Variants in GLRA2 observed in about 807,000 individuals in gnomAD.
GLRA2 encodes glycine receptor subunit alpha-2.
GLRA2 carries 11 observed loss-of-function variants against 31.6 expected under a neutral mutation model. The ratio of observed to expected loss-of-function variants is 0.35; its 90% CI spans 0.22 to 0.58. The LOEUF is 0.58. GLRA2 is among the 20% of genes least tolerant of loss of function. The probability of loss-of-function intolerance (pLI) is 0.84; values close to 1 mark genes in which losing one functional copy is unlikely to be tolerated. For synonymous variants in GLRA2, 132 were observed against 134.0 expected (o/e 0.99, Z 0.10); for missense variants, 212 against 351.8 (o/e 0.60, Z 3.18).
intron 7 of GLRA2, among the ~76,000 whole-genome samples, chrX:14,644,488 T>C (rs1161354591): frequency 1.8e-5 from 2 of 111,865 alleles, no homozygotes; most frequent in Non-Finnish European, 3.8e-5. Flanking sequence ...ATATATTCTT[T>C]ACAGAAAAAA....
chrX:14,489,489 G>A, the GLRA2 span, among the ~76,000 whole-genome samples: 1 of 112,162 alleles, frequency 8.9e-6, no homozygotes, highest in Non-Finnish European at 1.9e-5. Context: ...GAAGAAAAGG[G>A]GAAACAGACT....
chrX:14,506,944 T>C, the GLRA2 span, among the ~76,000 whole-genome samples: 2 of 111,895 alleles, frequency 1.8e-5, no homozygotes, highest in Non-Finnish European at 3.8e-5. Flanking sequence ...GTGACAGCTA[T>C]TAATAAGAAT....
chrX:14,596,326 C>A (rs1011726685), intron 4 of GLRA2, among the ~76,000 whole-genome samples: 1 of 111,228 alleles, frequency 9.0e-6, no homozygotes. Context: ...TAGAAACTGT[C>A]CTCCTAACCC....
chrX:14,547,320 T>A (rs2089495303), intron 2 of GLRA2, among the ~76,000 whole-genome samples: 1 of 110,986 alleles, frequency 9.0e-6, no homozygotes, highest in Non-Finnish European at 1.9e-5. Context: ...CTCAAAATAC[T>A]AGTATCCTTG....
chrX:14,514,699 G>A, the GLRA2 span, among the ~76,000 whole-genome samples: 4 of 111,103 alleles, frequency 3.6e-5, no homozygotes, highest in East Asian at 1.1e-3. Context: ...TGTTAATTCT[G>A]GTCAACAATT....
At chrX:14,654,577 G>A (rs931608314) in intron 7 of GLRA2, among the ~76,000 whole-genome samples, 2 of 111,595 alleles carry the variant, frequency 1.8e-5, no homozygotes, top group African/African-American at 3.3e-5. Context: ...TAGCATGTGG[G>A]CATGTTTTCT....
intron 7 of GLRA2, among the ~76,000 whole-genome samples, chrX:14,634,837 C>T (rs1034584530): frequency 1.8e-5 from 2 of 111,876 alleles, no homozygotes; most frequent in East Asian, 2.8e-4. Flanking sequence ...ACTTTATGTG[C>T]GTTAATTCCC....
At chrX:14,606,446 A>G (rs747297482) in intron 5 of GLRA2, among the ~76,000 whole-genome samples, 2 of 111,870 alleles carry the variant, frequency 1.8e-5, no homozygotes, top group African/African-American at 6.5e-5. Context: ...ATCTTTCATA[A>G]TAGGTAATCT....
chrX:14,681,935 A>ATATATATATATATATATATATG (rs2091215436), intron 7 of GLRA2, among the ~76,000 whole-genome samples: 1 of 77,428 alleles, frequency 1.3e-5, no homozygotes, highest in Non-Finnish European at 2.6e-5. Context: ...ATATATGTAT[A>ATATATATATATATATATATATG]TATATGTGTG....
At chrX:14,474,491 C>A in the GLRA2 span, among the ~76,000 whole-genome samples, 1 of 111,531 alleles carries the variant, frequency 9.0e-6, no homozygotes, top group Non-Finnish European at 1.9e-5. Flanking sequence ...CAAGAAATGA[C>A]CATTGCTTTT....
At chrX:14,682,161 G>A (rs1454202793) in intron 7 of GLRA2, among the ~76,000 whole-genome samples, 2 of 107,807 alleles carry the variant, frequency 1.9e-5, no homozygotes, top group Admixed American at 2.0e-4. Context: ...AGAGAAAGGG[G>A]AAAGGTCGGG....
intron 3 of GLRA2, chrX:14,574,655 A>G (rs1172199196): frequency 9.6e-6 from 6 of 627,179 alleles, no homozygotes; most frequent in Non-Finnish European, 1.6e-5. Context: ...ACTGAGTGCC[A>G]ATTTCCAACT....
At chrX:14,645,373 C>T (rs762602312) in intron 7 of GLRA2, among the ~76,000 whole-genome samples, 2 of 111,741 alleles carry the variant, frequency 1.8e-5, no homozygotes, top group South Asian at 7.6e-4. Context: ...CTCCATTCCT[C>T]ATGGCTGCAC....
chrX:14,503,099 CTT>C, the GLRA2 span, among the ~76,000 whole-genome samples: 74 of 111,162 alleles, frequency 6.7e-4, no homozygotes, highest in Non-Finnish European at 1.1e-3. Flanking sequence ...TTGCAAATAA[CTT>C]TTGGCAAGTA....
Position 14,730,215 on chromosome X carries a change from C to T in GLRA2, c.1089C>T (p.Asp363=), listed in dbSNP as rs78179793. The change falls in exon 9 of 9, where the codon GAC becomes GAT. Residue 363 remains aspartate, a synonymous_variant. Coordinates refer to ENST00000218075, the MANE Select transcript of GLRA2 (RefSeq NM_002063.4). ...RRQKRQNKEE[D]VTRESRFNFS... is the part of the protein sequence containing the mutation. ...TGTCTTTATTCCGTCAGGAAGAAGA[C>T]GTTACTCGTGAAAGTCGTTTTAATT... The T allele has an allele frequency of 3.4e-3, 4,017 of 1,197,288 alleles. 74 individuals carry two copies. The African/African-American group carries it at 0.059, about 18-fold the overall frequency.
At chrX:14,568,756 G>A (rs192543736) in intron 2 of GLRA2, among the ~76,000 whole-genome samples, 1 of 108,178 alleles carries the variant, frequency 9.2e-6, no homozygotes, top group African/African-American at 3.4e-5. Context: ...ATTTCCACAT[G>A]CAAAACAATG....
At chrX:14,520,529 A>G in the GLRA2 span, among the ~76,000 whole-genome samples, 1 of 112,574 alleles carries the variant, frequency 8.9e-6, no homozygotes, top group East Asian at 2.8e-4. Context: ...AGCATTTGAC[A>G]CATTTATGGC....
chrX:14,625,681 A>G (rs1234524599), intron 7 of GLRA2, among the ~76,000 whole-genome samples: 1 of 111,418 alleles, frequency 9.0e-6, no homozygotes, highest in Non-Finnish European at 1.9e-5. Flanking sequence ...ATTGTCCCCC[A>G]CTCTCTTCTG....
At chrX:14,622,128 T>C (rs766884627) in intron 7 of GLRA2, among the ~76,000 whole-genome samples, 44 of 112,752 alleles carry the variant, frequency 3.9e-4, no homozygotes, top group African/African-American at 1.4e-3. Context: ...TGAGCATTTT[T>C]TCATGTGTCT....
Sources: gnomAD v4.1 joint callset for allele counts (sites outside exome capture counted in the v4.1 genomes callset) on GRCh38, gnomAD v4.1.1 for gene constraint, MANE v1.5 for transcripts, NCBI Gene and HGNC (gene_info 2026-07-23, HGNC 2026-07-21) for gene names.